The following CRACD variants were observed in gnomAD, a reference collection of about 807,000 sequenced individuals.
The protein encoded by CRACD is capping protein inhibiting regulator of actin dynamics.
A neutral mutation model predicts 106.8 loss-of-function variants in CRACD; 56 were observed. The observed-to-expected ratio is 0.52, with a 90% CI of 0.42 to 0.66. The LOEUF (loss-of-function observed/expected upper bound fraction) is 0.66. CRACD is among the 30% of genes least tolerant of loss of function. The probability of loss-of-function intolerance (pLI) is 0.00; values close to 1 mark genes in which losing one functional copy is unlikely to be tolerated. For missense variants in CRACD, 1,730 were observed against 1,623.2 expected, an observed-to-expected ratio of 1.07 and a Z score of -1.13; for synonymous variants, 754 against 670.8, an observed-to-expected ratio of 1.12 and a Z score of -1.92.
intron 1 of CRACD, among the ~76,000 whole-genome samples, chr4:56,094,456 A>G (rs1733527214): frequency 7.8e-6 from 1 of 128,330 alleles, no homozygotes; most frequent in Admixed American, 9.7e-5. Flanking sequence ...ACGGAGTCTC[A>G]CTCACTTTGT....
intron 1 of CRACD, among the ~76,000 whole-genome samples, chr4:56,113,935 C>T (rs1468671121): frequency 1.3e-5 from 2 of 152,058 alleles, no homozygotes; most frequent in African/African-American, 4.8e-5. Context: ...CAGTTAATCT[C>T]AGAAAAGGCA....
chr4:56,172,209 T>C (rs1003431499), intron 1 of CRACD, among the ~76,000 whole-genome samples: 2 of 152,034 alleles, frequency 1.3e-5, no homozygotes, highest in African/African-American at 2.4e-5. Context: ...CTTTTGCCAA[T>C]TGCTATTGAG....
At chr4:56,147,515 G>A (rs556323462) in intron 1 of CRACD, among the ~76,000 whole-genome samples, 1 of 152,234 alleles carries the variant, frequency 6.6e-6, no homozygotes, top group Admixed American at 6.5e-5. Context: ...ATATAAATGG[G>A]ATCATATAAT....
chr4:56,107,821 T>C (rs1472713195), intron 1 of CRACD, among the ~76,000 whole-genome samples: 1 of 152,208 alleles, frequency 6.6e-6, no homozygotes, highest in African/African-American at 2.4e-5. Context: ...CACATTTGTG[T>C]ATCAATCCCT....
chr4:56,096,660 C>T (rs1199904037), intron 1 of CRACD, among the ~76,000 whole-genome samples: 1 of 151,712 alleles, frequency 6.6e-6, no homozygotes, highest in Non-Finnish European at 1.5e-5. Context: ...GAGAAATGAC[C>T]CTCTGTTTCA....
At chr4:56,071,045 C>G (rs1157701164) in intron 1 of CRACD, among the ~76,000 whole-genome samples, 1 of 151,964 alleles carries the variant, frequency 6.6e-6, no homozygotes, top group Non-Finnish European at 1.5e-5. Context: ...ACTACCTTGC[C>G]GTAAAAAGAG....
chr4:56,287,012 C>T (rs1743407980), intron 3 of CRACD, among the ~76,000 whole-genome samples: 1 of 152,194 alleles, frequency 6.6e-6, no homozygotes, highest in Non-Finnish European at 1.5e-5. Context: ...GCTGAGTTTC[C>T]TAAGCTCTTG....
At chr4:56,264,165 T>C (rs1006228912) in intron 2 of CRACD, among the ~76,000 whole-genome samples, 4 of 152,118 alleles carry the variant, frequency 2.6e-5, no homozygotes, top group Admixed American at 6.6e-5. Context: ...TCACTCACTA[T>C]CATGAGAACA....
chr4:56,109,097 C>T (rs1207683899), intron 1 of CRACD, among the ~76,000 whole-genome samples: 4 of 152,162 alleles, frequency 2.6e-5, no homozygotes, highest in Admixed American at 6.5e-5. Flanking sequence ...CTGGCATTAC[C>T]GCTTGACCAA....
intron 1 of CRACD, among the ~76,000 whole-genome samples, chr4:56,126,500 T>C (rs1234173509): frequency 6.6e-6 from 1 of 152,230 alleles, no homozygotes; most frequent in African/African-American, 2.4e-5. Context: ...TAACAATTTG[T>C]AGGCTTTTTC....
intron 1 of CRACD, among the ~76,000 whole-genome samples, chr4:56,065,124 G>A (rs1045843173): frequency 1.3e-5 from 2 of 151,282 alleles, no homozygotes; most frequent in African/African-American, 4.9e-5. Context: ...GTCTTGCTCT[G>A]TCGCCCAGGC....
At chr4:56,301,838 A>G (rs1161334683) in intron 4 of CRACD, among the ~76,000 whole-genome samples, 1 of 152,226 alleles carries the variant, frequency 6.6e-6, no homozygotes, top group Non-Finnish European at 1.5e-5. Context: ...AAAGAAAAAA[A>G]TCACTATTTA....
intron 2 of CRACD, among the ~76,000 whole-genome samples, chr4:56,239,903 A>G (rs1740264099): frequency 6.6e-6 from 1 of 152,178 alleles, no homozygotes; most frequent in Admixed American, 6.5e-5. Flanking sequence ...GACAGTACAG[A>G]TGAACATCTG....
intron 2 of CRACD, among the ~76,000 whole-genome samples, chr4:56,240,754 G>C (rs902689554): frequency 1.6e-4 from 25 of 152,168 alleles, no homozygotes; most frequent in African/African-American, 5.1e-4. Context: ...AAAGCACTAG[G>C]ATTACAGGCA....
chr4:56,301,738 G>C (rs1356786087), intron 4 of CRACD, among the ~76,000 whole-genome samples: 2 of 151,712 alleles, frequency 1.3e-5, no homozygotes, highest in Non-Finnish European at 2.9e-5. Flanking sequence ...TCTCCACGGA[G>C]TACAGAAGAA....
chr4:56,078,469 T>C (rs1732915175), intron 1 of CRACD, among the ~76,000 whole-genome samples: 1 of 152,182 alleles, frequency 6.6e-6, no homozygotes, highest in East Asian at 1.9e-4. Context: ...TGCAGTGGTG[T>C]GATCATAGCT....
chr4:56,135,012 G>A (rs889913386), intron 1 of CRACD, among the ~76,000 whole-genome samples: 2 of 151,946 alleles, frequency 1.3e-5, no homozygotes, highest in South Asian at 2.1e-4. Context: ...GGCCGGGCGC[G>A]GTGACTCACG....
In CRACD at chr4:56,072,934, C is replaced by T. The variant is rs372564536; in HGVS notation, c.-336+23635C>T. 6.8e-4 allele frequency among the ~76,000 whole-genome samples: 104 copies of T among 152,270 alleles called. 1 individual carries two copies. Among genetic ancestry groups the T allele is most frequent in the African/African-American group, 2.1e-3 (88 of 41,560 alleles). ...TCCATGTCCCTGCAAAGGACATGAACGCATTCTTTTTTATGGCTGCATAGT... is the reference window on the plus strand; with the variant it reads ...TCCATGTCCCTGCAAAGGACATGAATGCATTCTTTTTTATGGCTGCATAGT... On this transcript the variant is annotated intron_variant, in intron 1 of 10. Transcript: ENST00000682029.
At chr4:56,050,225 A>G (rs1232975450) in intron 1 of CRACD, among the ~76,000 whole-genome samples, 1 of 150,878 alleles carries the variant, frequency 6.6e-6, no homozygotes, top group Non-Finnish European at 1.5e-5. Flanking sequence ...AAATTTTAAT[A>G]TGGTTTTAGG....
Sources: gnomAD v4.1 joint callset for allele counts (sites outside exome capture counted in the v4.1 genomes callset) on GRCh38, gnomAD v4.1.1 for gene constraint, MANE v1.5 for transcripts, NCBI Gene and HGNC (gene_info 2026-07-23, HGNC 2026-07-21) for gene names.